Variants in CDYL observed in about 807,000 individuals in gnomAD.
The protein encoded by CDYL is chromodomain Y like.
In CDYL, 8 loss-of-function variants were observed where a neutral mutation model predicts 47.3. The ratio of observed to expected loss-of-function variants is 0.17; its 90% CI spans 0.10 to 0.31. The LOEUF (loss-of-function observed/expected upper bound fraction) is 0.31. CDYL is among the 10% of genes least tolerant of loss of function. The probability of loss-of-function intolerance (pLI) is 1.00; values close to 1 mark genes in which losing one functional copy is unlikely to be tolerated. For missense variants in CDYL, 471 were observed against 701.4 expected (o/e 0.67, Z 3.71); for synonymous variants, 266 against 265.0 (o/e 1.00, Z -0.04).
intron 2 of CDYL, among the ~76,000 whole-genome samples, chr6:4,915,716 A>T (rs111454060): frequency 6.6e-6 from 1 of 152,216 alleles, no homozygotes; most frequent in African/African-American, 2.4e-5. Context: ...ATATTCTGCA[A>T]TGCCCCTGTA....
chr6:4,930,233 C>A (rs964921313), intron 2 of CDYL, among the ~76,000 whole-genome samples: 2 of 152,194 alleles, frequency 1.3e-5, no homozygotes, highest in Non-Finnish European at 2.9e-5. Context: ...AAAAGTTGTT[C>A]ACTGCCCAGC....
intron 4 of CDYL, among the ~76,000 whole-genome samples, chr6:4,942,680 G>T (rs1157258853): frequency 6.6e-6 from 1 of 152,194 alleles, no homozygotes; most frequent in African/African-American, 2.4e-5. Flanking sequence ...CATTCCTAAA[G>T]TGGTATGACA....
chr6:4,955,090 A>G lies in CDYL; in HGVS notation c.*1034A>G, dbSNP rs1209390299. The stretch of plus-strand genomic sequence containing the variant: ...ACTCCTTTCAAAACAAAAAAGAACT[A>G]CCTTATATTCAACATTTAATGTTCT... On this transcript the variant is annotated 3_prime_UTR_variant, in exon 7 of 7. Coordinates refer to ENST00000397588, the MANE Select transcript of CDYL (RefSeq NM_004824.4). The G allele has an allele frequency of 6.6e-6, 1 of 152,656 alleles. No individual in the cohort carries two copies. The highest frequency in any genetic ancestry group is 6.5e-5 in the Admixed American group (1 of 15,278). 9.5% of individuals were successfully genotyped at this position (152,656 alleles called of 1,614,324 possible). A position where few individuals can be genotyped will look rare whatever the true frequency, so the allele number is the denominator to read the frequency against.
At chr6:4,931,488 A>G (rs1758031960) in intron 2 of CDYL, among the ~76,000 whole-genome samples, 1 of 152,108 alleles carries the variant, frequency 6.6e-6, no homozygotes, top group Non-Finnish European at 1.5e-5. Context: ...AACACATGCA[A>G]AGGTCCTGAG....
At chr6:4,728,329 G>C (rs969723549) in intron 2 of CDYL, among the ~76,000 whole-genome samples, 1 of 152,186 alleles carries the variant, frequency 6.6e-6, no homozygotes, top group Non-Finnish European at 1.5e-5. Context: ...GCCACTGCCT[G>C]TGCCAGGGCA....
chr6:4,846,183 T>TA (rs75102410), intron 1 of CDYL, among the ~76,000 whole-genome samples: 1,970 of 135,522 alleles, frequency 0.015, 15 homozygotes, highest in African/African-American at 0.019. Flanking sequence ...ACTGCCTTCT[T>TA]AAAAAAAAAA....
At chr6:4,865,148 C>T (rs962478932) in intron 1 of CDYL, among the ~76,000 whole-genome samples, 2 of 152,162 alleles carry the variant, frequency 1.3e-5, no homozygotes, top group Non-Finnish European at 2.9e-5. Context: ...TTGAGTCACC[C>T]CTGGTCACCT....
rs143298955 is a variant in CDYL at position 4,736,415 on chromosome 6, G to A, written c.186+1571G>A. ...TCAGCTAGAGGATAGTGAAAATAAG[G>A]ATGGAATATTTTTCCCATTGATGTT... On this transcript the variant is annotated intron_variant, in intron 3 of 8. Coordinates refer to the CDYL transcript ENST00000328908. Among the ~76,000 whole-genome samples, 10 of 152,344 alleles carry A rather than the reference G, an allele frequency of 6.6e-5. 1 individual carries two copies. In the East Asian group the frequency reaches 1.9e-3, roughly 29 times the overall value.
intron 3 of CDYL, among the ~76,000 whole-genome samples, chr6:4,763,977 CTCAA>C (rs755376940): frequency 1.3e-5 from 2 of 151,898 alleles, no homozygotes; most frequent in African/African-American, 4.8e-5. Context: ...TTGTAAAGTT[CTCAA>C]TCAGTCTGGA....
chr6:4,816,361 C>T (rs113339804), intron 1 of CDYL, among the ~76,000 whole-genome samples: 3,492 of 151,788 alleles, frequency 0.023, 144 homozygotes, highest in African/African-American at 0.08. Context: ...TTTACAAAGC[C>T]AAAAATACAA....
At chr6:4,945,506 A>G (rs1251979772) in intron 5 of CDYL, among the ~76,000 whole-genome samples, 1 of 152,142 alleles carries the variant, frequency 6.6e-6, no homozygotes, top group Non-Finnish European at 1.5e-5. Context: ...CCCAAATGCT[A>G]AAACACTCAC....
At chr6:4,953,412 T>TA (rs1758768854) in intron 6 of CDYL, among the ~76,000 whole-genome samples, 2 of 152,104 alleles carry the variant, frequency 1.3e-5, no homozygotes, top group African/African-American at 2.4e-5. Flanking sequence ...AATTTTTTTT[T>TA]AAAATATGCT....
intron 4 of CDYL, among the ~76,000 whole-genome samples, chr6:4,941,170 C>T (rs1281513833): frequency 6.6e-6 from 1 of 152,234 alleles, no homozygotes; most frequent in Non-Finnish European, 1.5e-5. Context: ...AACTTCAGTA[C>T]ATTGCATGGC....
At chr6:4,939,123 G>C (rs917978302) in intron 4 of CDYL, among the ~76,000 whole-genome samples, 2 of 152,210 alleles carry the variant, frequency 1.3e-5, no homozygotes, top group Non-Finnish European at 2.9e-5. Context: ...TGGCAGTAAA[G>C]TAAGTTGGAT....
intron 2 of CDYL, among the ~76,000 whole-genome samples, chr6:4,932,381 AG>A (rs1758057221): frequency 6.6e-6 from 1 of 152,154 alleles, no homozygotes; most frequent in Non-Finnish European, 1.5e-5. Flanking sequence ...CTCATTTATA[AG>A]GGCACTCATC....
At chr6:4,821,111 T>G (rs1463087289) in intron 1 of CDYL, among the ~76,000 whole-genome samples, 1 of 152,142 alleles carries the variant, frequency 6.6e-6, no homozygotes, top group East Asian at 1.9e-4. Flanking sequence ...CTTTCTTGCC[T>G]TTTCATCTTT....
At chr6:4,713,247 C>A (rs1005894210) in intron 1 of CDYL, among the ~76,000 whole-genome samples, 1 of 152,178 alleles carries the variant, frequency 6.6e-6, no homozygotes, top group African/African-American at 2.4e-5. Flanking sequence ...CCCTGGATCT[C>A]GTGCTTCTCT....
In CDYL at chr6:4,715,977, G is replaced by A. The variant is rs549230580; in HGVS notation, c.103+96G>A. On this transcript the variant is annotated intron_variant, in intron 2 of 8. Coordinates refer to the CDYL transcript ENST00000328908. ...AAAAATGATTTTACTGGCCGGGCAC[G>A]GTGGCTCACGCCTATAATCCCAGCA... The A allele has an allele frequency of 2.1e-5, 31 of 1,506,050 alleles. No homozygotes were observed. In the East Asian group the frequency reaches 2.3e-4, roughly 11 times the overall value. 93.3% of individuals were successfully genotyped at this position (1,506,050 alleles called of 1,614,324 possible). A position where few individuals can be genotyped will look rare whatever the true frequency, so the allele number is the denominator to read the frequency against.
At chr6:4,786,684 G>C (rs988283426) in intron 1 of CDYL, among the ~76,000 whole-genome samples, 1 of 152,138 alleles carries the variant, frequency 6.6e-6, no homozygotes, top group African/African-American at 2.4e-5. Context: ...TGACTGTGCT[G>C]TTGCCTTGAG....
Sources: gnomAD v4.1 joint callset for allele counts (sites outside exome capture counted in the v4.1 genomes callset) on GRCh38, gnomAD v4.1.1 for gene constraint, MANE v1.5 for transcripts, NCBI Gene and HGNC (gene_info 2026-07-23, HGNC 2026-07-21) for gene names.